The following CTNND2 variants were observed in gnomAD, a reference collection of about 807,000 sequenced individuals.
CTNND2 encodes catenin delta 2, also known as catenin delta-2.
Under a neutral mutation model 144.4 loss-of-function variants are expected in CTNND2, and 22 were observed. That is an observed-to-expected ratio of 0.15 (90% CI 0.11 to 0.22). The LOEUF is 0.22. Ranked by LOEUF, CTNND2 falls within the 10% of genes least tolerant of loss-of-function variation. The pLI is 1.00. For synonymous variants in CTNND2, 751 were observed against 695.6 expected (o/e 1.08, Z -1.25); for missense variants, 1,353 against 1,618.8 (o/e 0.84, Z 2.82).
intron 12 of CTNND2, among the ~76,000 whole-genome samples, chr5:11,132,558 C>A (rs1727502776): frequency 6.6e-6 from 1 of 152,160 alleles, no homozygotes; most frequent in Non-Finnish European, 1.5e-5. Flanking sequence ...TAGAACCCAA[C>A]CGTGAAGGCA....
At chr5:11,171,777 A>G (rs1051484556) in intron 11 of CTNND2, among the ~76,000 whole-genome samples, 1 of 152,174 alleles carries the variant, frequency 6.6e-6, no homozygotes, top group Non-Finnish European at 1.5e-5. Context: ...GGAAGGTTCT[A>G]TGGGAGAGGG....
intron 2 of CTNND2, among the ~76,000 whole-genome samples, chr5:11,576,396 A>G (rs1209185880): frequency 6.7e-6 from 1 of 150,106 alleles, no homozygotes; most frequent in Non-Finnish European, 1.5e-5. Flanking sequence ...CATACAATTA[A>G]GATTAAATAA....
intron 1 of CTNND2, among the ~76,000 whole-genome samples, chr5:11,854,651 T>C (rs1795170246): frequency 6.6e-6 from 1 of 152,190 alleles, no homozygotes; most frequent in Non-Finnish European, 1.5e-5. Flanking sequence ...TGCAAAATCC[T>C]TCCTAAAGCT....
chr5:11,543,980 CAT>C (rs1285068765), intron 3 of CTNND2, among the ~76,000 whole-genome samples: 2 of 152,030 alleles, frequency 1.3e-5, no homozygotes, highest in African/African-American at 4.8e-5. Flanking sequence ...ATCTTACACA[CAT>C]GAGAAAAAAT....
intron 1 of CTNND2, among the ~76,000 whole-genome samples, chr5:11,822,431 T>C (rs1363804813): frequency 1.3e-5 from 2 of 152,186 alleles, no homozygotes; most frequent in South Asian, 2.1e-4. Flanking sequence ...ACTCCAGCAA[T>C]ATATTCAAAC....
chr5:11,630,662 G>A (rs73057719), intron 2 of CTNND2, among the ~76,000 whole-genome samples: 1,777 of 152,018 alleles, frequency 0.012, 43 homozygotes, highest in African/African-American at 0.041. Flanking sequence ...ATATCTTGCT[G>A]TCAAATAACC....
chr5:11,630,149 G>A (rs1781345059), intron 2 of CTNND2, among the ~76,000 whole-genome samples: 1 of 152,146 alleles, frequency 6.6e-6, no homozygotes, highest in South Asian at 2.1e-4. Flanking sequence ...GGCATCTGCA[G>A]AGAGACATAA....
intron 9 of CTNND2, among the ~76,000 whole-genome samples, chr5:11,292,719 C>G (rs1409574405): frequency 6.6e-6 from 1 of 152,086 alleles, no homozygotes; most frequent in Non-Finnish European, 1.5e-5. Flanking sequence ...TATAAATTAC[C>G]CAGTTTGGGG....
chr5:11,627,225 C>A (rs1781204645), intron 2 of CTNND2, among the ~76,000 whole-genome samples: 1 of 152,150 alleles, frequency 6.6e-6, no homozygotes, highest in African/African-American at 2.4e-5. Flanking sequence ...AGTGGTAGTG[C>A]ACTGAAATGC....
chr5:11,022,087 C>T (rs1289372897), intron 17 of CTNND2, among the ~76,000 whole-genome samples: 9 of 152,154 alleles, frequency 5.9e-5, no homozygotes, highest in Admixed American at 5.9e-4. Flanking sequence ...TGCTTTGACA[C>T]CAAGTCTCAT....
chr5:11,866,478 T>C (rs1582031010), intron 1 of CTNND2, among the ~76,000 whole-genome samples: 1 of 152,154 alleles, frequency 6.6e-6, no homozygotes, highest in Non-Finnish European at 1.5e-5. Flanking sequence ...AGTTGCCCTA[T>C]AAATGGAAGT....
intron 5 of CTNND2, among the ~76,000 whole-genome samples, chr5:11,406,520 A>G (rs2149830883): frequency 6.6e-6 from 1 of 152,298 alleles, no homozygotes; most frequent in East Asian, 1.9e-4. Context: ...AACACGAATT[A>G]TGAAAACATT....
At chr5:11,489,489 T>G (rs1769183654) in intron 3 of CTNND2, among the ~76,000 whole-genome samples, 1 of 152,182 alleles carries the variant, frequency 6.6e-6, no homozygotes, top group Admixed American at 6.5e-5. Flanking sequence ...CTCATTTTCC[T>G]TTCAAAAATT....
intron 2 of CTNND2, among the ~76,000 whole-genome samples, chr5:11,575,323 T>A (rs1777895149): frequency 6.6e-6 from 1 of 152,202 alleles, no homozygotes; most frequent in African/African-American, 2.4e-5. Flanking sequence ...TGCATCCATA[T>A]GAGAAAATGT....
intron 12 of CTNND2, among the ~76,000 whole-genome samples, chr5:11,150,868 C>T (rs1757701187): frequency 6.6e-6 from 1 of 152,134 alleles, no homozygotes; most frequent in African/African-American, 2.4e-5. Context: ...TCAGGTGATC[C>T]ACCCGCCTTG....
intron 7 of CTNND2, among the ~76,000 whole-genome samples, chr5:11,377,202 C>A (rs578072141): frequency 1.3e-5 from 2 of 151,796 alleles, no homozygotes; most frequent in Non-Finnish European, 2.9e-5. Flanking sequence ...AGGCACGCGC[C>A]GCCACACCTG....
intron 3 of CTNND2, among the ~76,000 whole-genome samples, chr5:11,450,980 T>G (rs2149912599): frequency 6.8e-6 from 1 of 147,610 alleles, no homozygotes; most frequent in South Asian, 2.1e-4. Context: ...GGACAAAAAA[T>G]ATGTTCAATC....
chr5:11,160,082 A>T (rs1758621706), intron 11 of CTNND2, among the ~76,000 whole-genome samples: 1 of 152,212 alleles, frequency 6.6e-6, no homozygotes, highest in African/African-American at 2.4e-5. Flanking sequence ...CCAAATTGCT[A>T]AATTCTAACC....
intron 9 of CTNND2, among the ~76,000 whole-genome samples, chr5:11,271,323 T>C (rs1289080938): frequency 6.6e-6 from 1 of 152,218 alleles, no homozygotes; most frequent in Non-Finnish European, 1.5e-5. Context: ...GTATGAGAAC[T>C]AGATAATCAT....
Sources: allele counts gnomAD v4.1 joint callset (sites outside exome capture counted in the v4.1 genomes callset), GRCh38; gene constraint gnomAD v4.1.1; transcripts MANE v1.5; gene names NCBI Gene and HGNC (gene_info 2026-07-23, HGNC 2026-07-21).